AGBL4: variants seen among roughly 807,000 people sequenced by gnomAD.
AGBL4 encodes the protein cytosolic carboxypeptidase 6.
Under a neutral mutation model 66.4 loss-of-function variants are expected in AGBL4, and 58 were observed. That is an observed-to-expected ratio of 0.87 (90% CI 0.71 to 1.09). The LOEUF is 1.09. Ranked by LOEUF, AGBL4 falls within the 50% of genes least tolerant of loss-of-function variation. The probability of loss-of-function intolerance (pLI) is 0.00; values close to 1 mark genes in which losing one functional copy is unlikely to be tolerated. For missense variants in AGBL4, 579 were observed against 631.0 expected, an observed-to-expected ratio of 0.92 and a Z score of 0.88; for synonymous variants, 234 against 222.9, an observed-to-expected ratio of 1.05 and a Z score of -0.44.
intron 9 of AGBL4, among the ~76,000 whole-genome samples, chr1:48,609,563 T>TA (rs1645205250): frequency 6.6e-6 from 1 of 152,000 alleles, no homozygotes; most frequent in African/African-American, 2.4e-5. Flanking sequence ...CTTGGACCTA[T>TA]AGGCACATGC....
At chr1:49,745,431 A>G (rs916209952) in intron 2 of AGBL4, among the ~76,000 whole-genome samples, 1 of 152,118 alleles carries the variant, frequency 6.6e-6, no homozygotes, top group Admixed American at 6.6e-5. Context: ...TACTGTGACA[A>G]ATGTAAGGGT....
At chr1:49,761,368 A>T (rs1414237352) in intron 2 of AGBL4, among the ~76,000 whole-genome samples, 2 of 152,176 alleles carry the variant, frequency 1.3e-5, no homozygotes, top group Non-Finnish European at 2.9e-5. Flanking sequence ...AATATATACA[A>T]AGCTATCATG....
intron 1 of AGBL4, among the ~76,000 whole-genome samples, chr1:49,885,553 C>T (rs1403151159): frequency 1.3e-5 from 2 of 151,908 alleles, no homozygotes; most frequent in Non-Finnish European, 2.9e-5. Flanking sequence ...TCCCTAGTCA[C>T]ATAGTCTACA....
chr1:48,996,817 C>CCCTTCCTTCCTTCCTTCCTTCCTT (rs58530293), intron 5 of AGBL4, among the ~76,000 whole-genome samples: 5,131 of 147,796 alleles, frequency 0.035, 167 homozygotes, highest in African/African-American at 0.072. Flanking sequence ...CTTCCTTCCT[C>CCCTTCCTTCCTTCCTTCCTTCCTT]CCTTCCTTCC....
At chr1:48,997,062 A>C (rs936405633) in intron 5 of AGBL4, among the ~76,000 whole-genome samples, 6 of 152,032 alleles carry the variant, frequency 3.9e-5, no homozygotes, top group Non-Finnish European at 7.4e-5. Context: ...AGCTGTGATT[A>C]CAGGTGCCCG....
At chr1:49,395,766 C>CAT (rs1236169054) in intron 3 of AGBL4, among the ~76,000 whole-genome samples, 6 of 136,908 alleles carry the variant, frequency 4.4e-5, no homozygotes, top group East Asian at 4.1e-4. Context: ...TATATATACA[C>CAT]ATATATATAC....
At chr1:49,532,062 C>T (rs1327141079) in intron 3 of AGBL4, among the ~76,000 whole-genome samples, 1 of 152,018 alleles carries the variant, frequency 6.6e-6, no homozygotes, top group Non-Finnish European at 1.5e-5. Context: ...TTGTTAGTTC[C>T]CCTTCATCAT....
chr1:48,775,356 A>G (rs998013311), intron 6 of AGBL4, among the ~76,000 whole-genome samples: 7 of 152,090 alleles, frequency 4.6e-5, no homozygotes, highest in Non-Finnish European at 8.8e-5. Context: ...TTGCCATGAG[A>G]CCCTGGGCAA....
chr1:48,841,673 C>T (rs1425769524), intron 6 of AGBL4, among the ~76,000 whole-genome samples: 1 of 152,028 alleles, frequency 6.6e-6, no homozygotes, highest in Non-Finnish European at 1.5e-5. Flanking sequence ...AAAGGGGCCT[C>T]CATAAACCAT....
intron 4 of AGBL4, among the ~76,000 whole-genome samples, chr1:49,103,993 G>A (rs546089317): frequency 1.9e-4 from 29 of 152,094 alleles, no homozygotes; most frequent in African/African-American, 6.5e-4. Flanking sequence ...CTGTGCACTC[G>A]CCATTCCACC....
intron 6 of AGBL4, among the ~76,000 whole-genome samples, chr1:48,806,594 C>T (rs1416138635): frequency 6.6e-6 from 1 of 152,192 alleles, no homozygotes; most frequent in Non-Finnish European, 1.5e-5. Flanking sequence ...AGCTGAACTA[C>T]CACTCCCTTC....
At chr1:49,511,580 A>G (rs1409284291) in intron 3 of AGBL4, among the ~76,000 whole-genome samples, 2 of 151,724 alleles carry the variant, frequency 1.3e-5, no homozygotes, top group East Asian at 1.9e-4. Context: ...CAATGTGCAC[A>G]TGTACCCTAA....
At chr1:49,948,074 A>G (rs1201838706) in intron 1 of AGBL4, among the ~76,000 whole-genome samples, 11 of 85,006 alleles carry the variant, frequency 1.3e-4, no homozygotes, top group Non-Finnish European at 2.0e-4. Context: ...AAATATATGT[A>G]AATATATGTA....
intron 5 of AGBL4, among the ~76,000 whole-genome samples, chr1:48,903,908 A>G (rs544847618): frequency 1.3e-5 from 2 of 152,336 alleles, no homozygotes; most frequent in African/African-American, 4.8e-5. Flanking sequence ...AGGATGGAGC[A>G]AGTGACAGGA....
intron 3 of AGBL4, among the ~76,000 whole-genome samples, chr1:49,427,033 A>G (rs1557930233): frequency 6.6e-6 from 1 of 152,208 alleles, no homozygotes; most frequent in Non-Finnish European, 1.5e-5. Context: ...CATCCAAACA[A>G]GAGAACACAA....
At chr1:49,169,329 T>C (rs901006037) in intron 4 of AGBL4, among the ~76,000 whole-genome samples, 2 of 152,212 alleles carry the variant, frequency 1.3e-5, no homozygotes, top group African/African-American at 4.8e-5. Flanking sequence ...TGATCCCTCC[T>C]GATCTGTATA....
At chr1:49,513,146 G>A (rs557481436) in intron 3 of AGBL4, among the ~76,000 whole-genome samples, 1 of 152,154 alleles carries the variant, frequency 6.6e-6, no homozygotes, top group Admixed American at 6.5e-5. Context: ...TAAACTCCAA[G>A]TTCAGTGTTC....
At chr1:48,565,618 TC>T (rs1644464831) in intron 11 of AGBL4, among the ~76,000 whole-genome samples, 6 of 152,196 alleles carry the variant, frequency 3.9e-5, no homozygotes, top group Admixed American at 6.5e-5. Context: ...CTATTGCAGT[TC>T]AGTGGGTTAA....
At chr1:50,018,466 T>C (rs535786224) in intron 1 of AGBL4, among the ~76,000 whole-genome samples, 1 of 152,250 alleles carries the variant, frequency 6.6e-6, no homozygotes, top group East Asian at 1.9e-4. Flanking sequence ...AGAATGAAAT[T>C]TTTCCTTAAA....
Sources: allele counts gnomAD v4.1 joint callset (sites outside exome capture counted in the v4.1 genomes callset), GRCh38; gene constraint gnomAD v4.1.1; transcripts MANE v1.5; gene names NCBI Gene and HGNC (gene_info 2026-07-23, HGNC 2026-07-21).